The following TMEM163 variants were observed in gnomAD, a reference collection of about 807,000 sequenced individuals.
The protein encoded by TMEM163 is transmembrane protein 163.
A neutral mutation model predicts 29.3 loss-of-function variants in TMEM163; 17 were observed. The observed-to-expected ratio is 0.58, with a 90% CI of 0.40 to 0.87. The LOEUF is 0.87. Among genes scored for constraint, TMEM163 ranks in the 40% least tolerant of loss-of-function variants. The pLI is 0.00. For missense variants in TMEM163, 303 were observed against 381.5 expected (o/e 0.79, Z 1.71); for synonymous variants, 157 against 160.6 (o/e 0.98, Z 0.17).
At chr2:134,480,533 C>T (rs1687027893) in intron 5 of TMEM163, among the ~76,000 whole-genome samples, 1 of 152,214 alleles carries the variant, frequency 6.6e-6, no homozygotes, top group South Asian at 2.1e-4. Context: ...TGGCTACAGG[C>T]TATCATACTC....
chr2:134,618,331 A>C (rs555422099), intron 2 of TMEM163, among the ~76,000 whole-genome samples: 1 of 152,366 alleles, frequency 6.6e-6, no homozygotes, highest in East Asian at 1.9e-4. Flanking sequence ...GATATTTCAT[A>C]ATTCAAAAGG....
At chr2:134,685,968 A>G (rs929621976) in intron 2 of TMEM163, among the ~76,000 whole-genome samples, 9 of 152,226 alleles carry the variant, frequency 5.9e-5, no homozygotes, top group African/African-American at 2.2e-4. Flanking sequence ...GAACAAGACT[A>G]TCTTCAGCTA....
intron 2 of TMEM163, among the ~76,000 whole-genome samples, chr2:134,587,223 C>A (rs1681841706): frequency 6.6e-6 from 1 of 152,060 alleles, no homozygotes; most frequent in South Asian, 2.1e-4. Flanking sequence ...CCAACCTGGC[C>A]AACATGGTGA....
intron 2 of TMEM163, among the ~76,000 whole-genome samples, chr2:134,653,051 C>A (rs1377611134): frequency 1.5e-5 from 2 of 131,066 alleles, no homozygotes; most frequent in East Asian, 4.1e-4. Flanking sequence ...CAGAATGATG[C>A]TGGCCTCATA....
intron 6 of TMEM163, chr2:134,458,441 T>C: frequency 4.4e-6 from 2 of 451,218 alleles, no homozygotes. Context: ...GGTTTATAGC[T>C]GGTCTCGCCC....
intron 2 of TMEM163, among the ~76,000 whole-genome samples, chr2:134,707,310 A>G (rs1353526649): frequency 6.6e-6 from 1 of 152,208 alleles, no homozygotes; most frequent in African/African-American, 2.4e-5. Flanking sequence ...AGCGGCCAGA[A>G]GTGTAGGCAG....
chr2:134,520,128 G>A (rs1680162404), intron 4 of TMEM163, among the ~76,000 whole-genome samples: 1 of 152,076 alleles, frequency 6.6e-6, no homozygotes, highest in African/African-American at 2.4e-5. Context: ...GGGAGGGAGA[G>A]GCCCTTATAA....
chr2:134,696,717 T>C (rs1344546000), intron 2 of TMEM163, among the ~76,000 whole-genome samples: 1 of 152,224 alleles, frequency 6.6e-6, no homozygotes, highest in African/African-American at 2.4e-5. Flanking sequence ...GATTTTAGTA[T>C]ATTAAACTTC....
chr2:134,577,777 T>C (rs1681594493), intron 2 of TMEM163, among the ~76,000 whole-genome samples: 1 of 150,472 alleles, frequency 6.6e-6, no homozygotes, highest in Non-Finnish European at 1.5e-5. Context: ...GTTCTTTATC[T>C]GTGGATTCAA....
At chr2:134,471,182 G>A (rs1362044449) in intron 5 of TMEM163, among the ~76,000 whole-genome samples, 1 of 152,108 alleles carries the variant, frequency 6.6e-6, no homozygotes, top group Non-Finnish European at 1.5e-5. Flanking sequence ...ATAAAACTAT[G>A]TTTAAAAAGA....
chr2:134,654,435 G>A (rs2104851129), intron 2 of TMEM163, among the ~76,000 whole-genome samples: 1 of 69,264 alleles, frequency 1.4e-5, no homozygotes, highest in Middle Eastern at 5.3e-3. Flanking sequence ...TTGAGCCTAT[G>A]TGTGTCTCTG....
At chr2:134,501,560 C>T (rs17731186) in intron 5 of TMEM163, among the ~76,000 whole-genome samples, 5,477 of 152,272 alleles carry the variant, frequency 0.036, 165 homozygotes, top group Admixed American at 0.096. Context: ...GCCTATAAAA[C>T]GTAGACGTTA....
chr2:134,578,772 G>T (rs183744780), intron 2 of TMEM163, among the ~76,000 whole-genome samples: 3 of 152,256 alleles, frequency 2.0e-5, no homozygotes, highest in Non-Finnish European at 2.9e-5. Flanking sequence ...GTGTGCATGT[G>T]TGTGTGAGAG....
intron 2 of TMEM163, among the ~76,000 whole-genome samples, chr2:134,703,307 G>C (rs1341357201): frequency 1.3e-5 from 2 of 152,174 alleles, no homozygotes; most frequent in African/African-American, 2.4e-5. Flanking sequence ...GGTGCTCCAT[G>C]AGAGGTTTCT....
At chr2:134,511,877 G>A (rs139419750) in intron 4 of TMEM163, among the ~76,000 whole-genome samples, 1 of 152,286 alleles carries the variant, frequency 6.6e-6, no homozygotes, top group East Asian at 1.9e-4. Context: ...TCTGCTGAAG[G>A]TACAACTGCT....
chr2:134,466,020 C>A (rs1259960245), intron 6 of TMEM163, 94 bp downstream of exon 6: 5 of 880,014 alleles, frequency 5.7e-6, no homozygotes, highest in Non-Finnish European at 8.8e-6. Flanking sequence ...TTATTGAGTT[C>A]TCCAGCAAGG....
intron 4 of TMEM163, among the ~76,000 whole-genome samples, chr2:134,512,514 A>G (rs533850414): frequency 1.3e-5 from 2 of 152,302 alleles, no homozygotes; most frequent in Non-Finnish European, 2.9e-5. Flanking sequence ...GAACAAACCA[A>G]AGAAATTAAC....
rs529526204 is a variant in TMEM163 at position 134,687,211 on chromosome 2, C to T, written c.322+25989G>A. On this transcript the variant is annotated intron_variant, in intron 2 of 7. Coordinates refer to ENST00000281924, the MANE Select transcript of TMEM163 (RefSeq NM_030923.5). ...GAAAGGAAGAGAGTAAAAATCTCCA[C>T]TTGCTAAAATAGGTCCACAGAAATG... Among the ~76,000 whole-genome samples the T allele has an allele frequency of 2.6e-5, 4 of 152,276 alleles. No homozygotes were observed. In the East Asian group the frequency reaches 7.7e-4, roughly 29 times the overall value.
At chr2:134,548,682 T>A (rs1680842609) in intron 4 of TMEM163, among the ~76,000 whole-genome samples, 1 of 152,224 alleles carries the variant, frequency 6.6e-6, no homozygotes, top group African/African-American at 2.4e-5. Flanking sequence ...GTTTCAGATT[T>A]TTTTTGGATT....
Sources: allele counts gnomAD v4.1 joint callset (sites outside exome capture counted in the v4.1 genomes callset), GRCh38; gene constraint gnomAD v4.1.1; transcripts MANE v1.5; gene names NCBI Gene and HGNC (gene_info 2026-07-23, HGNC 2026-07-21).